The following UMAD1 variants were observed in gnomAD, a reference collection of about 807,000 sequenced individuals.
The protein encoded by UMAD1 is UBAP1-MVB12-associated (UMA)-domain containing protein 1.
A neutral mutation model predicts 6.1 loss-of-function variants in UMAD1; 8 were observed. The ratio of observed to expected loss-of-function variants is 1.30; its 90% CI spans 0.76 to 2.35. The LOEUF (loss-of-function observed/expected upper bound fraction) is 2.35, where lower values mean the gene tolerates loss of function less well. UMAD1 is among the 30% of genes most tolerant of loss of function. The pLI is 0.00. For missense variants in UMAD1, 130 were observed against 78.4 expected (o/e 1.66, Z -2.49); for synonymous variants, 56 against 31.4 (o/e 1.78, Z -2.61).
chr7:7,651,277 G>A (rs1197835929), intron 1 of UMAD1, among the ~76,000 whole-genome samples: 1 of 152,200 alleles, frequency 6.6e-6, no homozygotes, highest in African/African-American at 2.4e-5. Context: ...ATGTTGGAGA[G>A]TTCCCTGAAC....
intron 3 of UMAD1, among the ~76,000 whole-genome samples, chr7:7,871,331 C>T (rs1260204170): frequency 6.6e-6 from 1 of 152,170 alleles, no homozygotes; most frequent in Non-Finnish European, 1.5e-5. Context: ...TTCATTCAGT[C>T]AATCATTCTA....
At chr7:7,678,056 GTGGACGTCTCTTTGATATGC>G (rs950304056) in intron 2 of UMAD1, among the ~76,000 whole-genome samples, 3 of 152,184 alleles carry the variant, frequency 2.0e-5, no homozygotes, top group African/African-American at 7.2e-5. Context: ...ACATGGGAAT[GTGGACGTCTCTTTGATATGC>G]TGATTTCTTC....
intron 2 of UMAD1, among the ~76,000 whole-genome samples, chr7:7,717,288 C>T (rs756878503): frequency 6.6e-6 from 1 of 152,048 alleles, no homozygotes; most frequent in African/African-American, 2.4e-5. Context: ...AACTCCTGAC[C>T]CCAAGTGATC....
chr7:7,823,050 A>C (rs1451682962), intron 3 of UMAD1, among the ~76,000 whole-genome samples: 1 of 152,092 alleles, frequency 6.6e-6, no homozygotes, highest in Non-Finnish European at 1.5e-5. Flanking sequence ...ATTGATTAGG[A>C]GTGCTCCTCC....
At chr7:7,859,567 A>T (rs1219183130) in intron 3 of UMAD1, among the ~76,000 whole-genome samples, 1 of 152,202 alleles carries the variant, frequency 6.6e-6, no homozygotes, top group Non-Finnish European at 1.5e-5. Flanking sequence ...TGAGAGCTGG[A>T]TCATCTGGTT....
At chr7:7,779,166 A>G (rs532258216) in intron 2 of UMAD1, among the ~76,000 whole-genome samples, 1 of 152,320 alleles carries the variant, frequency 6.6e-6, no homozygotes, top group East Asian at 1.9e-4. Flanking sequence ...AGTATTTTGA[A>G]GTGAGAGATA....
intron 2 of UMAD1, among the ~76,000 whole-genome samples, chr7:7,794,814 T>C (rs892811275): frequency 3.3e-4 from 50 of 152,336 alleles, no homozygotes; most frequent in African/African-American, 1.1e-3. Flanking sequence ...TTTCTAGATC[T>C]TTCCCAGATC....
chr7:7,694,038 A>G (rs1780244853), intron 2 of UMAD1, among the ~76,000 whole-genome samples: 1 of 152,116 alleles, frequency 6.6e-6, no homozygotes, highest in Non-Finnish European at 1.5e-5. Flanking sequence ...TTTTCAACTG[A>G]GTCATTAGAC....
At chr7:7,654,251 G>A (rs1245400204) in intron 1 of UMAD1, among the ~76,000 whole-genome samples, 2 of 152,212 alleles carry the variant, frequency 1.3e-5, no homozygotes, top group African/African-American at 4.8e-5. Context: ...ACAAAGTAAT[G>A]GAGGAGAGTA....
At chr7:7,675,598 T>G (rs1392254357) in intron 2 of UMAD1, among the ~76,000 whole-genome samples, 1 of 152,194 alleles carries the variant, frequency 6.6e-6, no homozygotes, top group Non-Finnish European at 1.5e-5. Flanking sequence ...CTTCCAAATT[T>G]CGTATTTTAA....
At chr7:7,810,052 T>G (rs1782992963) in intron 3 of UMAD1, among the ~76,000 whole-genome samples, 1 of 151,630 alleles carries the variant, frequency 6.6e-6, no homozygotes, top group African/African-American at 2.4e-5. Flanking sequence ...GAGGGGGAGA[T>G]TTTCAAGAAC....
chr7:7,697,639 T>C (rs1014431121), intron 2 of UMAD1, among the ~76,000 whole-genome samples: 1 of 152,242 alleles, frequency 6.6e-6, no homozygotes, highest in African/African-American at 2.4e-5. Context: ...TTTTTTAAGC[T>C]GATATTATCA....
At chr7:7,705,418 A>C (rs1354417125) in intron 2 of UMAD1, among the ~76,000 whole-genome samples, 1 of 152,230 alleles carries the variant, frequency 6.6e-6, no homozygotes, top group East Asian at 1.9e-4. Context: ...ACGATAAAAT[A>C]ACTATGTAGG....
intron 3 of UMAD1, among the ~76,000 whole-genome samples, chr7:7,824,808 T>A (rs1783309152): frequency 6.6e-6 from 1 of 152,184 alleles, no homozygotes; most frequent in East Asian, 1.9e-4. Context: ...TTTCATCCTG[T>A]TAAACTGGTC....
intron 2 of UMAD1, among the ~76,000 whole-genome samples, chr7:7,729,013 G>C (rs1781196154): frequency 6.6e-6 from 1 of 152,182 alleles, no homozygotes; most frequent in Non-Finnish European, 1.5e-5. Context: ...AGTGGTATGA[G>C]AGCAGCTGAC....
chr7:7,756,249 C>T (rs1031095096), intron 2 of UMAD1, among the ~76,000 whole-genome samples: 7 of 152,146 alleles, frequency 4.6e-5, no homozygotes, highest in African/African-American at 1.7e-4. Context: ...GACTTGAGGA[C>T]ATGTGGATTT....
At chr7:7,682,079 C>G (rs1049641562) in intron 2 of UMAD1, among the ~76,000 whole-genome samples, 2 of 152,072 alleles carry the variant, frequency 1.3e-5, no homozygotes, top group African/African-American at 4.8e-5. Flanking sequence ...TGGGCAAACA[C>G]TATTGTAGAG....
intron 3 of UMAD1, among the ~76,000 whole-genome samples, chr7:7,875,376 C>T (rs902914437): frequency 2.6e-5 from 4 of 152,058 alleles, no homozygotes; most frequent in African/African-American, 7.2e-5. Flanking sequence ...ATGAAAAACC[C>T]TTCAAAAAAA....
intron 2 of UMAD1, among the ~76,000 whole-genome samples, chr7:7,775,317 G>C (rs1349511168): frequency 6.6e-6 from 1 of 152,224 alleles, no homozygotes; most frequent in East Asian, 1.9e-4. Flanking sequence ...ATAATCATAT[G>C]TGTCCTGGGA....
Sources: allele counts gnomAD v4.1 joint callset (sites outside exome capture counted in the v4.1 genomes callset), GRCh38; gene constraint gnomAD v4.1.1; transcripts MANE v1.5; gene names NCBI Gene and HGNC (gene_info 2026-07-23, HGNC 2026-07-21).